DSCAML1: variants seen among roughly 807,000 people sequenced by gnomAD.
DSCAML1 encodes DS cell adhesion molecule like 1.
Under a neutral mutation model 200.5 loss-of-function variants are expected in DSCAML1, and 38 were observed. The observed-to-expected ratio is 0.19, with a 90% CI of 0.15 to 0.25. The LOEUF is 0.25. Among genes scored for constraint, DSCAML1 ranks in the 10% least tolerant of loss-of-function variants. The probability of loss-of-function intolerance (pLI) is 1.00; values close to 1 mark genes in which losing one functional copy is unlikely to be tolerated. For missense variants in DSCAML1, 2,223 were observed against 2,858.8 expected (o/e 0.78, Z 5.07); for synonymous variants, 1,215 against 1,165.0 (o/e 1.04, Z -0.87).
chr11:117,748,707 A>G (rs2054555654), intron 3 of DSCAML1, among the ~76,000 whole-genome samples: 1 of 152,150 alleles, frequency 6.6e-6, no homozygotes, highest in Non-Finnish European at 1.5e-5. Context: ...CAGCCCAGCT[A>G]ATGTGTGCAG....
At chr11:117,709,745 C>T (rs538145066) in intron 3 of DSCAML1, 2 of 454,836 alleles carry the variant, frequency 4.4e-6, no homozygotes, top group African/African-American at 4.0e-5. Context: ...GCAACATCTT[C>T]AGGGCACTGG....
In DSCAML1 at chr11:117,700,435, G is replaced by A. The variant is rs538901279; in HGVS notation, c.511+76356C>T. Among the ~76,000 whole-genome samples the A allele has an allele frequency of 7.8e-4, 118 of 152,122 alleles. 1 individual carries two copies. The highest frequency in any genetic ancestry group is 1.5e-3 in the Non-Finnish European group (104 of 68,032). ...CTTTCACCCAGAGTCCCTGGGAAAC[G>A]GCCTTTGCTCCCCAGCACTCTTGTG... On this transcript the variant is annotated intron_variant, in intron 3 of 32. Transcript: ENST00000651296.
chr11:117,623,216 CTTTTT>C (rs56343852), intron 3 of DSCAML1, among the ~76,000 whole-genome samples: 5 of 121,118 alleles, frequency 4.1e-5, no homozygotes, highest in Admixed American at 9.9e-5. Flanking sequence ...CTTTTCTTTT[CTTTTT>C]TTTTTTTTTT....
intron 11 of DSCAML1, among the ~76,000 whole-genome samples, chr11:117,486,583 T>A (rs1309043943): frequency 6.6e-6 from 1 of 152,226 alleles, no homozygotes; most frequent in Non-Finnish European, 1.5e-5. Flanking sequence ...ACTGCCAGCT[T>A]CCTTCCAGGC....
intron 20 of DSCAML1, among the ~76,000 whole-genome samples, chr11:117,444,619 T>C (rs755685995): frequency 2.6e-5 from 4 of 152,224 alleles, no homozygotes; most frequent in African/African-American, 7.2e-5. Flanking sequence ...TGATTATTAG[T>C]GGTATAGATC....
intron 3 of DSCAML1, among the ~76,000 whole-genome samples, chr11:117,765,953 CT>C (rs749179558): frequency 1.3e-5 from 2 of 152,160 alleles, no homozygotes; most frequent in African/African-American, 2.4e-5. Context: ...CAGATGGTGG[CT>C]TTTTTCCAGC....
intron 17 of DSCAML1, 92 bp downstream of exon 17, chr11:117,464,850 G>A: frequency 6.5e-7 from 1 of 1,548,382 alleles, no homozygotes. Flanking sequence ...GGGGCCCAGG[G>A]GCAAACAGAG....
chr11:117,794,235 G>A (rs573476859), intron 1 of DSCAML1, among the ~76,000 whole-genome samples: 57 of 152,302 alleles, frequency 3.7e-4, no homozygotes, highest in Non-Finnish European at 6.9e-4. Flanking sequence ...GGGGAAGCTT[G>A]TTCTTTTACA....
intron 3 of DSCAML1, among the ~76,000 whole-genome samples, chr11:117,665,944 A>T (rs1467810665): frequency 2.0e-5 from 3 of 152,364 alleles, no homozygotes; most frequent in African/African-American, 7.2e-5. Flanking sequence ...GCAAAGGCAC[A>T]CACAACACCA....
chr11:117,481,902 GC>G, intron 12 of DSCAML1, 60 bp downstream of exon 12: 2 of 1,596,418 alleles, frequency 1.3e-6, no homozygotes, highest in Non-Finnish European at 1.7e-6. Flanking sequence ...AGATGTGATA[GC>G]TGCGGGCTCC....
At chr11:117,741,710 A>G (rs1219205682) in intron 3 of DSCAML1, among the ~76,000 whole-genome samples, 1 of 152,206 alleles carries the variant, frequency 6.6e-6, no homozygotes, top group Non-Finnish European at 1.5e-5. Context: ...TTTGTGTTAA[A>G]GCATGTCCAG....
rs1229148650 is a variant in DSCAML1, at chr11:117,461,194, AC to A, written c.3412+255del. Reference sequence around the variant, plus strand: ...CACCAGAGATGCCACCCTAGGTACCACCCCCCCACCTTGCTCCTGGCTCTGA... The same window carrying A: ...CACCAGAGATGCCACCCTAGGTACCACCCCCCACCTTGCTCCTGGCTCTGA... On this transcript the variant is annotated intron_variant, in intron 18 of 32. Coordinates refer to ENST00000651296, the MANE Select transcript of DSCAML1 (RefSeq NM_020693.4). 7.2e-5 allele frequency among the ~76,000 whole-genome samples: 10 copies of A among 139,840 alleles called. No homozygotes were observed. The South Asian group carries it at 2.1e-3, about 30-fold the overall frequency. The allele number at this position is 139,840 out of a possible 152,430, so 91.7% of individuals were successfully genotyped here.
intron 3 of DSCAML1, among the ~76,000 whole-genome samples, chr11:117,589,606 A>G (rs947280673): frequency 2.0e-5 from 3 of 152,252 alleles, no homozygotes; most frequent in Admixed American, 6.5e-5. Flanking sequence ...GATGCTTATT[A>G]CAATGGCCAG....
chr11:117,536,251 G>C (rs557564121), intron 3 of DSCAML1, among the ~76,000 whole-genome samples: 311 of 152,346 alleles, frequency 2.0e-3, no homozygotes, highest in Non-Finnish European at 3.6e-3. Context: ...GAGGCATGTG[G>C]AGTGAGCCTC....
intron 3 of DSCAML1, among the ~76,000 whole-genome samples, chr11:117,573,183 A>T (rs1591280725): frequency 6.6e-6 from 1 of 152,130 alleles, no homozygotes; most frequent in South Asian, 2.1e-4. Context: ...GAACACTCCA[A>T]CCCCGATCTG....
chr11:117,689,708 T>C (rs1227767195), intron 3 of DSCAML1, among the ~76,000 whole-genome samples: 2 of 152,138 alleles, frequency 1.3e-5, no homozygotes, highest in African/African-American at 4.8e-5. Context: ...TCCCACACCC[T>C]CCTGGAGCTT....
chr11:117,634,478 T>A (rs1229405171), intron 3 of DSCAML1, among the ~76,000 whole-genome samples: 1 of 152,178 alleles, frequency 6.6e-6, no homozygotes, highest in Non-Finnish European at 1.5e-5. Context: ...AGCTCCTAGA[T>A]GAAGCTTTAG....
intron 3 of DSCAML1, among the ~76,000 whole-genome samples, chr11:117,568,157 T>C (rs1387369403): frequency 6.6e-6 from 1 of 152,190 alleles, no homozygotes; most frequent in Non-Finnish European, 1.5e-5. Flanking sequence ...GAAAAGGCCT[T>C]TGACAAAATT....
intron 3 of DSCAML1, among the ~76,000 whole-genome samples, chr11:117,758,912 G>A (rs533139915): frequency 1.3e-5 from 2 of 152,102 alleles, no homozygotes; most frequent in Non-Finnish European, 2.9e-5. Context: ...CTCCTCCATC[G>A]AGGAGGAGAC....
Sources: gnomAD v4.1 joint callset for allele counts (sites outside exome capture counted in the v4.1 genomes callset) on GRCh38, gnomAD v4.1.1 for gene constraint, MANE v1.5 for transcripts, NCBI Gene and HGNC (gene_info 2026-07-23, HGNC 2026-07-21) for gene names.